The following ELF1 variants were observed in gnomAD, a reference collection of about 807,000 sequenced individuals.
ELF1 encodes the protein E74 like ETS transcription factor 1.
In ELF1, 24 loss-of-function variants were observed where a neutral mutation model predicts 59.9. The observed-to-expected ratio is 0.40, with a 90% CI of 0.29 to 0.56. The LOEUF (loss-of-function observed/expected upper bound fraction) is 0.56. ELF1 is among the 20% of genes least tolerant of loss of function. The pLI is 0.44. For synonymous variants in ELF1, 248 were observed against 266.2 expected (o/e 0.93, Z 0.67); for missense variants, 627 against 742.2 (o/e 0.84, Z 1.80).
At position 41,060,561 on chromosome 13, in the gene ELF1, C is replaced by T. The variant is rs926722261; in HGVS notation, c.-229+277G>A. ...AGCGCATTCGCTTCTCCAGCAGGCA[C>T]GGCGTGGCACTCGAGGCTCCAAAAG... On this transcript the variant is annotated intron_variant, in intron 1 of 1. Transcript: ENST00000405737. Among the ~76,000 whole-genome samples the T allele has an allele frequency of 1.4e-4, 21 of 152,130 alleles. 1 individual carries two copies. Among genetic ancestry groups the T allele is most frequent in the African/African-American group, 4.6e-4 (19 of 41,428 alleles).
chr13:40,942,775 G>C (rs897567399), intron 7 of ELF1, among the ~76,000 whole-genome samples, 177 bp downstream of exon 7: 1 of 152,132 alleles, frequency 6.6e-6, no homozygotes, highest in African/African-American at 2.4e-5. Flanking sequence ...ACCGGCCTCA[G>C]CCTCCCAAAG....
intron 1 of ELF1, among the ~76,000 whole-genome samples, chr13:41,002,357 T>C (rs887041219): frequency 3.3e-5 from 5 of 151,956 alleles, no homozygotes; most frequent in Non-Finnish European, 2.9e-5. Flanking sequence ...AGAAATCATA[T>C]CAGGGCGAGG....
At chr13:41,041,869 T>C (rs529200127) in intron 1 of ELF1, among the ~76,000 whole-genome samples, 26 of 152,174 alleles carry the variant, frequency 1.7e-4, no homozygotes, top group Non-Finnish European at 3.2e-4. Flanking sequence ...CATACAGACC[T>C]TCACATCTCA....
chr13:40,964,182 A>G (rs1872032637), intron 2 of ELF1, among the ~76,000 whole-genome samples: 1 of 152,240 alleles, frequency 6.6e-6, no homozygotes, highest in Non-Finnish European at 1.5e-5. Flanking sequence ...AATTCCTTCT[A>G]GAGAACTGCT....
At chr13:40,999,299 GT>G (rs914114686) in intron 1 of ELF1, among the ~76,000 whole-genome samples, 1 of 152,318 alleles carries the variant, frequency 6.6e-6, no homozygotes, top group Non-Finnish European at 1.5e-5. Flanking sequence ...CACAGATAAT[GT>G]GGGAACTAAA....
intron 4 of ELF1, 28 bp downstream of exon 4, chr13:40,951,301 A>T: frequency 6.5e-7 from 1 of 1,545,892 alleles, no homozygotes. Flanking sequence ...AACAAAGTAC[A>T]TAAACATAAA....
At chr13:40,951,165 A>C (rs1035297649) in intron 4 of ELF1, among the ~76,000 whole-genome samples, 164 bp downstream of exon 4, 6 of 152,180 alleles carry the variant, frequency 3.9e-5, no homozygotes, top group Admixed American at 1.3e-4. Context: ...GTCATCTTTA[A>C]CTCTACGTTT....
intron 5 of ELF1, among the ~76,000 whole-genome samples, chr13:40,946,007 C>T (rs1870484792): frequency 6.6e-6 from 1 of 152,132 alleles, no homozygotes; most frequent in African/African-American, 2.4e-5. Context: ...CCATGCCTGG[C>T]TAATTTTTTT....
At chr13:41,006,591 T>A (rs973192293) in intron 1 of ELF1, among the ~76,000 whole-genome samples, 10 of 152,324 alleles carry the variant, frequency 6.6e-5, no homozygotes, top group African/African-American at 2.2e-4. Flanking sequence ...TTCCTTTCAG[T>A]TTATTCTTAA....
At chr13:40,955,430 AG>A (rs1197003081) in intron 3 of ELF1, among the ~76,000 whole-genome samples, 2 of 131,776 alleles carry the variant, frequency 1.5e-5, no homozygotes, top group African/African-American at 5.7e-5. Flanking sequence ...TGGGGGGGTC[AG>A]CCCCCCGCCC....
intron 5 of ELF1, 79 bp downstream of exon 5, chr13:40,949,725 AAG>A: frequency 6.9e-7 from 1 of 1,453,938 alleles, no homozygotes; most frequent in Non-Finnish European, 9.2e-7. Context: ...TGCAGCAGGA[AAG>A]AACTATGTAG....
chr13:40,995,649 T>C (rs556273695), intron 1 of ELF1, among the ~76,000 whole-genome samples: 9 of 147,052 alleles, frequency 6.1e-5, no homozygotes, highest in Admixed American at 1.3e-4. Flanking sequence ...GTAGAAAAAC[T>C]GGATATCCAC....
intron 2 of ELF1, among the ~76,000 whole-genome samples, chr13:40,966,278 A>G (rs1872168837): frequency 6.6e-6 from 1 of 152,244 alleles, no homozygotes; most frequent in Admixed American, 6.5e-5. Flanking sequence ...GTAATTTTCA[A>G]TTGTTTCATA....
chr13:41,019,946 C>A (rs1349450343), upstream of ELF1, among the ~76,000 whole-genome samples: 1 of 152,152 alleles, frequency 6.6e-6, no homozygotes, highest in African/African-American at 2.4e-5. Context: ...AATTTAAAGT[C>A]CAACAAAGCA....
At chr13:40,955,768 G>T (rs1871333701) in intron 3 of ELF1, among the ~76,000 whole-genome samples, 1 of 58,712 alleles carries the variant, frequency 1.7e-5, no homozygotes, top group Non-Finnish European at 3.0e-5. Flanking sequence ...GTCCGGGAGG[G>T]AGGCGGGGGG....
At chr13:40,960,871 A>G (rs896895141) in intron 2 of ELF1, among the ~76,000 whole-genome samples, 1 of 152,180 alleles carries the variant, frequency 6.6e-6, no homozygotes, top group Non-Finnish European at 1.5e-5. Flanking sequence ...CTCTATAAAG[A>G]ATCTTCTCTT....
Position 40,933,615 on chromosome 13 carries a change from A to T in ELF1, c.1670T>A (p.Ile557Asn), listed in dbSNP as rs779846089. The T allele has an allele frequency of 6.2e-6, 10 of 1,614,184 alleles. No homozygotes were observed. Among genetic ancestry groups the T allele is most frequent in the Non-Finnish European group, 8.5e-6 (10 of 1,180,024 alleles). ...HPPGTVITSV[I>N]KTQETKTLTQ... ...AAGAGTTTTTGTTTCTTGAGTTTTG[A>T]TAACTGAAGTGATTACAGTGCCAGG... Residue 557 changes from isoleucine to asparagine, a missense_variant, in exon 9 of 9, where the codon ATC becomes AAC. Ile to Asn is a moderately radical substitution (Grantham distance 149, BLOSUM62 -3). Around this residue, in one of 3 missense-constraint regions of ELF1, gnomAD observed 361 missense variants for 396.1 expected, o/e 0.91. Coordinates refer to ENST00000239882, the MANE Select transcript of ELF1 (RefSeq NM_172373.4).
At chr13:40,966,589 T>C (rs952673368) in intron 2 of ELF1, among the ~76,000 whole-genome samples, 3 of 152,220 alleles carry the variant, frequency 2.0e-5, no homozygotes, top group Admixed American at 1.3e-4. Flanking sequence ...TTGTTCCACA[T>C]ACCACAATCC....
At chr13:40,945,685 T>C (rs1870459847) in intron 5 of ELF1, among the ~76,000 whole-genome samples, 1 of 152,242 alleles carries the variant, frequency 6.6e-6, no homozygotes, top group Non-Finnish European at 1.5e-5. Context: ...ATTCTGTTTC[T>C]GGAACTTTGA....
Sources: allele counts gnomAD v4.1 joint callset (sites outside exome capture counted in the v4.1 genomes callset), GRCh38; gene constraint gnomAD v4.1.1; regional missense constraint gnomAD v4.1.1; transcripts MANE v1.5; gene names NCBI Gene and HGNC (gene_info 2026-07-23, HGNC 2026-07-21).